Variants in LRP2BP observed in about 807,000 individuals in gnomAD.
LRP2BP encodes the protein LRP2 binding protein.
In LRP2BP, 38 loss-of-function variants were observed where a neutral mutation model predicts 45.2. The observed-to-expected ratio is 0.84, with a 90% CI of 0.65 to 1.10. The LOEUF (loss-of-function observed/expected upper bound fraction) is 1.10. Ranked by LOEUF, LRP2BP falls within the 50% of genes least tolerant of loss-of-function variation. The pLI, the probability that LRP2BP is intolerant of heterozygous loss-of-function variation, is 0.00. For missense variants in LRP2BP, 385 were observed against 418.9 expected (o/e 0.92, Z 0.71); for synonymous variants, 153 against 153.9 (o/e 0.99, Z 0.04).
chr4:185,381,521 T>G (rs1353082154), intron 1 of LRP2BP, among the ~76,000 whole-genome samples: 1 of 152,204 alleles, frequency 6.6e-6, no homozygotes, highest in African/African-American at 2.4e-5. Context: ...CCTTTTTAAA[T>G]TAATTGCTGA....
chr4:185,373,354 G>A (rs1221099396), intron 6 of LRP2BP, among the ~76,000 whole-genome samples: 1 of 152,120 alleles, frequency 6.6e-6, no homozygotes, highest in Non-Finnish European at 1.5e-5. Flanking sequence ...CAGGATTTGG[G>A]GATCTTCAGA....
In LRP2BP at chr4:185,390,318, C is replaced by T. The variant is rs148703208; in HGVS notation, c.-22+4461G>A. 7.6e-3 allele frequency among the ~76,000 whole-genome samples: 1,151 copies of T among 152,164 alleles called. 18 individuals are homozygous for T. The highest frequency in any genetic ancestry group is 0.054 in the South Asian group (259 of 4,804). On this transcript the variant is annotated intron_variant, in intron 1 of 8. Transcript: ENST00000505916. ...TTGAGGTCAGGAGTTCAAGACCAGC[C>T]TGACCAACATGGTGAAATCCTGTTT...
At chr4:185,396,879 C>T (rs759998381), upstream of LRP2BP, 7 of 1,608,622 alleles carry the variant, frequency 4.4e-6, no homozygotes, top group Admixed American at 3.3e-5. Context: ...AGTGTCTCAC[C>T]TCTCTGCACT....
rs1490034257 is a variant in LRP2BP, at chr4:185,395,290, C to T, written c.-533G>A. 3.0e-6 allele frequency: 3 copies of T among 985,340 alleles called. No individual in the cohort carries two copies. Among genetic ancestry groups the T allele is most frequent in the East Asian group, 2.3e-4 (2 of 8,834 alleles). 61.0% of individuals were successfully genotyped at this position (985,340 alleles called of 1,614,324 possible). A position where few individuals can be genotyped will look rare whatever the true frequency, so the allele number is the denominator to read the frequency against. ...ATGAAATATGGAGGCACTTTCACCA[C>T]ACAAATATCCCACTACATATGCTAA... On this transcript the variant is annotated 5_prime_UTR_variant, in exon 1 of 9. In the 5' UTR this introduces an upstream ATG that the reference lacks. Transcript: ENST00000505916.
upstream of LRP2BP, chr4:185,397,121 A>G: frequency 6.2e-7 from 1 of 1,611,916 alleles, no homozygotes; most frequent in Non-Finnish European, 8.5e-7. Context: ...AAAGGTGGGA[A>G]GGGTGCTGGA....
intron 7 of LRP2BP, 133 bp from the exon 8 acceptor site, chr4:185,370,947 G>C: frequency 1.0e-6 from 1 of 959,294 alleles, no homozygotes; most frequent in Admixed American, 2.3e-5. Flanking sequence ...GTTGTTTGCT[G>C]TGTGGGGAAG....
intron 1 of LRP2BP, among the ~76,000 whole-genome samples, chr4:185,379,905 C>A (rs2095450703): frequency 6.6e-6 from 1 of 152,142 alleles, no homozygotes; most frequent in African/African-American, 2.4e-5. Context: ...TCAACTGCAG[C>A]CTCAACCTCT....
upstream of LRP2BP, chr4:185,396,986 C>G (rs1247390502): frequency 1.2e-6 from 2 of 1,612,814 alleles, no homozygotes; most frequent in South Asian, 1.1e-5. Flanking sequence ...AGCTTTTGTC[C>G]TGCAGGCTCA....
At chr4:185,389,394 T>C (rs1448212594) in intron 1 of LRP2BP, among the ~76,000 whole-genome samples, 1 of 151,056 alleles carries the variant, frequency 6.6e-6, no homozygotes, top group East Asian at 2.0e-4. Context: ...TATTTTTTAA[T>C]AGAGACGGGG....
At chr4:185,387,234 A>G (rs2095474404) in intron 1 of LRP2BP, among the ~76,000 whole-genome samples, 1 of 152,100 alleles carries the variant, frequency 6.6e-6, no homozygotes, top group Non-Finnish European at 1.5e-5. Context: ...CTCAGTCTCA[A>G]ACAAACCAAC....
At chr4:185,370,908 T>C in intron 7 of LRP2BP, 94 bp from the exon 8 acceptor site, 1 of 1,344,900 alleles carries the variant, frequency 7.4e-7, no homozygotes, top group Non-Finnish European at 1.1e-6. Flanking sequence ...GTGCCTGAAG[T>C]GATTTCTCTC....
intron 1 of LRP2BP, chr4:185,378,728 T>C (rs1328010695): frequency 1.0e-6 from 1 of 985,816 alleles, no homozygotes; most frequent in African/African-American, 1.7e-5. Flanking sequence ...GGATCACAGT[T>C]GAATGGTAAA....
At chr4:185,392,748 A>T (rs1486724793) in intron 1 of LRP2BP, among the ~76,000 whole-genome samples, 1 of 152,184 alleles carries the variant, frequency 6.6e-6, no homozygotes. Flanking sequence ...TATTAATTAA[A>T]ATATCGTTAC....
intron 7 of LRP2BP, 56 bp downstream of exon 7, chr4:185,372,800 A>G: frequency 3.5e-6 from 5 of 1,408,758 alleles, no homozygotes; most frequent in Non-Finnish European, 4.9e-6. Context: ...TTTCTCATAA[A>G]TTACCTAGTG....
chr4:185,394,264 TAAAAA>T (rs56883920), intron 1 of LRP2BP, among the ~76,000 whole-genome samples: 27 of 121,384 alleles, frequency 2.2e-4, no homozygotes, highest in East Asian at 4.8e-4. Flanking sequence ...GTTTCAGAGT[TAAAAA>T]AAAAAAAAAA....
intron 1 of LRP2BP, among the ~76,000 whole-genome samples, chr4:185,389,229 A>T (rs149378847): frequency 0.017 from 2,523 of 150,526 alleles, 26 homozygotes; most frequent in Admixed American, 0.029. Flanking sequence ...TTATTTTGAG[A>T]ACGGAGTCTC....
chr4:185,385,825 C>T (rs577153520), intron 1 of LRP2BP, among the ~76,000 whole-genome samples: 3 of 144,660 alleles, frequency 2.1e-5, no homozygotes, highest in Admixed American at 7.3e-5. Flanking sequence ...TGCTCAAACC[C>T]GGAAGGTGGA....
rs1315865525 is a variant in LRP2BP at position 185,372,772 on chromosome 4, G to A, written c.803+84C>T. ...CAGCCCTCTCCTGGCCTCTGGAACT[G>A]TGAGAAATAAATTTCTGTTTCTCAT... On this transcript the variant is annotated intron_variant, in intron 7 of 8. Coordinates refer to ENST00000505916, the MANE Select transcript of LRP2BP (RefSeq NM_001377440.1). 5 of 1,207,530 alleles carry A rather than the reference G, an allele frequency of 4.1e-6. No homozygotes were observed. In the Admixed American group the frequency reaches 1.0e-4, roughly 25 times the overall value. The allele number at this position is 1,207,530 out of a possible 1,614,324, so 74.8% of individuals were successfully genotyped here.
intron 1 of LRP2BP, among the ~76,000 whole-genome samples, chr4:185,387,469 CTG>C (rs1253761758): frequency 6.6e-6 from 1 of 152,210 alleles, no homozygotes; most frequent in Non-Finnish European, 1.5e-5. Flanking sequence ...AAATATAACA[CTG>C]TTCACACAAA....
Sources: allele counts gnomAD v4.1 joint callset (sites outside exome capture counted in the v4.1 genomes callset), GRCh38; gene constraint gnomAD v4.1.1; transcripts MANE v1.5; gene names NCBI Gene and HGNC (gene_info 2026-07-23, HGNC 2026-07-21).